Variants in CSMD1 observed in about 807,000 individuals in gnomAD.
CSMD1 encodes the protein CUB and Sushi multiple domains 1.
CSMD1 carries 213 observed loss-of-function variants against 417.5 expected under a neutral mutation model. The observed-to-expected ratio is 0.51, with a 90% CI of 0.46 to 0.57. CSMD1 has a LOEUF of 0.57. CSMD1 is among the 20% of genes least tolerant of loss of function. CSMD1 has a pLI of 0.00. For synonymous variants in CSMD1, 2,862 were observed against 1,736.8 expected, an observed-to-expected ratio of 1.65 and a Z score of -16.11; for missense variants, 6,923 against 4,529.7, an observed-to-expected ratio of 1.53 and a Z score of -15.17.
chr8:4,191,183 T>G (rs529261944), intron 3 of CSMD1, among the ~76,000 whole-genome samples: 3 of 152,082 alleles, frequency 2.0e-5, no homozygotes, highest in Non-Finnish European at 4.4e-5. Flanking sequence ...GATCACGACG[T>G]CAGGAGATTG....
At chr8:4,445,930 G>C (rs1347308571) in intron 2 of CSMD1, among the ~76,000 whole-genome samples, 1 of 152,132 alleles carries the variant, frequency 6.6e-6, no homozygotes, top group African/African-American at 2.4e-5. Context: ...CTTTCAGCTG[G>C]TCAGAGAAAA....
intron 1 of CSMD1, among the ~76,000 whole-genome samples, chr8:4,696,223 A>C (rs1252243876): frequency 6.6e-6 from 1 of 152,228 alleles, no homozygotes; most frequent in African/African-American, 2.4e-5. Context: ...CAGTCTATGG[A>C]CATGACAGAT....
intron 5 of CSMD1, among the ~76,000 whole-genome samples, chr8:3,916,727 G>C (rs963463565): frequency 5.3e-5 from 8 of 152,102 alleles, no homozygotes; most frequent in Non-Finnish European, 1.0e-4. Flanking sequence ...AAAAAGTAGA[G>C]ATAATCATTG....
chr8:3,914,316 G>C (rs1386128079), intron 5 of CSMD1, among the ~76,000 whole-genome samples: 1 of 151,888 alleles, frequency 6.6e-6, no homozygotes, highest in Non-Finnish European at 1.5e-5. Context: ...TTAAGAACGA[G>C]GAAGAGAATG....
chr8:4,376,671 C>G (rs966620781), intron 3 of CSMD1, among the ~76,000 whole-genome samples: 3 of 152,140 alleles, frequency 2.0e-5, no homozygotes, highest in African/African-American at 4.8e-5. Flanking sequence ...CATATCACAC[C>G]GTTGTTAACG....
intron 15 of CSMD1, among the ~76,000 whole-genome samples, chr8:3,400,788 GATC>G (rs1466225123): frequency 6.6e-6 from 1 of 151,196 alleles, no homozygotes; most frequent in Non-Finnish European, 1.5e-5. Flanking sequence ...TTGCTTTATA[GATC>G]ATATTTTTTG....
intron 26 of CSMD1, among the ~76,000 whole-genome samples, chr8:3,247,376 G>T (rs1404823695): frequency 6.6e-6 from 1 of 152,122 alleles, no homozygotes; most frequent in Non-Finnish European, 1.5e-5. Flanking sequence ...ACCGCTAGCA[G>T]TGAACCCATG....
intron 18 of CSMD1, among the ~76,000 whole-genome samples, chr8:3,376,108 T>C (rs1276724273): frequency 1.3e-5 from 2 of 152,182 alleles, no homozygotes; most frequent in Non-Finnish European, 2.9e-5. Context: ...ATTTTAAACT[T>C]CTGTGTGATT....
chr8:3,768,625 C>G (rs1477406883), intron 5 of CSMD1, among the ~76,000 whole-genome samples: 1 of 152,082 alleles, frequency 6.6e-6, no homozygotes, highest in Non-Finnish European at 1.5e-5. Context: ...AGGAATTGAC[C>G]ATATTTTATT....
At chr8:4,292,571 A>C (rs961036217) in intron 3 of CSMD1, among the ~76,000 whole-genome samples, 3 of 152,088 alleles carry the variant, frequency 2.0e-5, no homozygotes, top group African/African-American at 7.2e-5. Flanking sequence ...TTTTTAACTG[A>C]ATGGAATTTA....
chr8:3,566,068 T>G (rs1486628035), intron 10 of CSMD1, among the ~76,000 whole-genome samples: 7 of 152,054 alleles, frequency 4.6e-5, no homozygotes, highest in South Asian at 4.1e-4. Context: ...TATATCTTTC[T>G]GACCCTAGTC....
At chr8:4,713,690 G>A (rs966052006) in intron 1 of CSMD1, among the ~76,000 whole-genome samples, 1 of 152,146 alleles carries the variant, frequency 6.6e-6, no homozygotes, top group Non-Finnish European at 1.5e-5. Context: ...AGCTCCAGCT[G>A]CTCGCCACTG....
chr8:3,914,655 C>T (rs1808691777), intron 5 of CSMD1, among the ~76,000 whole-genome samples: 2 of 152,046 alleles, frequency 1.3e-5, no homozygotes, highest in African/African-American at 4.8e-5. Context: ...CCACCTAGTC[C>T]ACGTTAGTAT....
At chr8:3,055,440 T>A (rs1448352106) in intron 49 of CSMD1, among the ~76,000 whole-genome samples, 3 of 152,188 alleles carry the variant, frequency 2.0e-5, no homozygotes, top group African/African-American at 7.2e-5. Context: ...TTATAACACT[T>A]CTGATTTAAT....
intron 6 of CSMD1, among the ~76,000 whole-genome samples, chr8:3,728,774 A>T (rs556413821): frequency 6.6e-6 from 1 of 152,276 alleles, no homozygotes; most frequent in African/African-American, 2.4e-5. Context: ...TACATCTCAA[A>T]TGTCAAATAT....
intron 25 of CSMD1, among the ~76,000 whole-genome samples, chr8:3,292,988 T>C (rs62503428): frequency 0.17 from 26,374 of 152,072 alleles, 2,853 homozygotes; most frequent in Non-Finnish European, 0.25. Context: ...CCATGTTTAG[T>C]GCTTCCTTCA....
chr8:3,244,220 C>T (rs1181858828), intron 26 of CSMD1, among the ~76,000 whole-genome samples: 1 of 152,162 alleles, frequency 6.6e-6, no homozygotes, highest in Admixed American at 6.5e-5. Flanking sequence ...TATTGCGAGG[C>T]TGGTGGAACA....
intron 1 of CSMD1, among the ~76,000 whole-genome samples, chr8:4,955,246 T>G (rs1022924252): frequency 2.0e-5 from 3 of 152,196 alleles, no homozygotes; most frequent in Admixed American, 1.3e-4. Flanking sequence ...AATGCATCTT[T>G]GAAACACAGT....
At chr8:3,116,676 G>A (rs7016528) in intron 42 of CSMD1, among the ~76,000 whole-genome samples, 1 of 151,992 alleles carries the variant, frequency 6.6e-6, no homozygotes, top group Non-Finnish European at 1.5e-5. Flanking sequence ...AAAATAATTC[G>A]AAGCCAGAGC....
Sources: allele counts gnomAD v4.1 joint callset (sites outside exome capture counted in the v4.1 genomes callset), GRCh38; gene constraint gnomAD v4.1.1; transcripts MANE v1.5; gene names NCBI Gene and HGNC (gene_info 2026-07-23, HGNC 2026-07-21).